Variants in CARMIL1 observed in about 807,000 individuals in gnomAD.
The protein encoded by CARMIL1 is F-actin-uncapping protein LRRC16A.
A neutral mutation model predicts 177.1 loss-of-function variants in CARMIL1; 90 were observed. The observed-to-expected ratio is 0.51, with a 90% CI of 0.43 to 0.61. The LOEUF (loss-of-function observed/expected upper bound fraction) is 0.61, where lower values mean the gene tolerates loss of function less well. Ranked by LOEUF, CARMIL1 falls within the 20% of genes least tolerant of loss-of-function variation. The probability of loss-of-function intolerance (pLI) is 0.00; values close to 1 mark genes in which losing one functional copy is unlikely to be tolerated. For missense variants in CARMIL1, 1,380 were observed against 1,667.0 expected (o/e 0.83, Z 3.00); for synonymous variants, 577 against 606.2 (o/e 0.95, Z 0.71).
At chr6:25,390,320 A>T (rs3034151) in intron 2 of CARMIL1, among the ~76,000 whole-genome samples, 15,244 of 57,928 alleles carry the variant, frequency 0.26, 2,442 homozygotes, top group Middle Eastern at 0.4. Context: ...ATATATATAT[A>T]TTTTTTTTTT....
chr6:25,510,469 ATG>A (rs1172197588), intron 18 of CARMIL1, 36 bp from the exon 19 acceptor site: 1 of 996,948 alleles, frequency 1.0e-6, no homozygotes, highest in Non-Finnish European at 1.5e-6. Flanking sequence ...ATTTATACAC[ATG>A]TGTTTTGATG....
chr6:25,398,477 G>A lies in CARMIL1; in HGVS notation c.139-21637G>A, dbSNP rs187377856. On this transcript the variant is annotated intron_variant, in intron 2 of 36. Transcript: ENST00000329474. ...TCTGTTTCTTGTGTAAAGTGCTTAC[G>A]GTGATAAATCAATGTGGGTTTTAAT... is the stretch of plus-strand genomic sequence containing the variant. Among the ~76,000 whole-genome samples, 102 of 152,272 alleles carry A rather than the reference G, an allele frequency of 6.7e-4. 1 individual carries two copies. The highest frequency in any genetic ancestry group is 2.3e-3 in the African/African-American group (95 of 41,550).
At position 25,554,171 on chromosome 6, in the gene CARMIL1, G is replaced by T; in HGVS notation, c.2592+75G>T. The T allele has an allele frequency of 9.7e-7, 1 of 1,025,778 alleles. No individual in the cohort carries two copies. The highest frequency in any genetic ancestry group is 2.0e-5 in the Admixed American group (1 of 50,150). The allele number at this position is 1,025,778 out of a possible 1,614,324, so 63.5% of individuals were successfully genotyped here. A position where few individuals can be genotyped will look rare whatever the true frequency, so the allele number is the denominator to read the frequency against. ...TGATGCAGGATGACTTCCGGTGTGG[G>T]GATGTGATTTCTTTTCTGTATTTCA... On this transcript the variant is annotated intron_variant, in intron 28 of 36. Transcript: ENST00000329474. The surrounding 1 kb of genome is among the most constrained non-coding windows in gnomAD (Gnocchi z 4.6).
chr6:25,456,025 C>T (rs541351239), intron 8 of CARMIL1, among the ~76,000 whole-genome samples: 2 of 152,282 alleles, frequency 1.3e-5, no homozygotes, highest in South Asian at 2.1e-4. Flanking sequence ...CTCTGATTTG[C>T]CTAGGATCTG....
chr6:25,530,393 T>C (rs1807630808), intron 24 of CARMIL1, among the ~76,000 whole-genome samples: 2 of 151,986 alleles, frequency 1.3e-5, no homozygotes. Context: ...CACAGACCTG[T>C]AATCCCAACT....
intron 2 of CARMIL1, among the ~76,000 whole-genome samples, chr6:25,356,522 A>T (rs539999006): frequency 2.6e-5 from 4 of 152,382 alleles, no homozygotes; most frequent in Non-Finnish European, 5.9e-5. Context: ...CTAGGTGGGT[A>T]GGGTGTAAAC....
rs114000217 is a variant in CARMIL1, at chr6:25,431,183, A to G, written c.250-4300A>G. Among the ~76,000 whole-genome samples, 673 of 151,850 alleles carry G rather than the reference A, an allele frequency of 4.4e-3. 3 individuals carry two copies. Among genetic ancestry groups the G allele is most frequent in the African/African-American group, 0.015 (618 of 41,384 alleles). ...TCTTTATTGATTTCATTGATTTTCT[A>G]TTTCCTATTTCATCGACTTTTGCTC... On this transcript the variant is annotated intron_variant, in intron 4 of 36. Coordinates refer to ENST00000329474, the MANE Select transcript of CARMIL1 (RefSeq NM_017640.6).
At chr6:25,292,646 T>C (rs531067195) in intron 2 of CARMIL1, among the ~76,000 whole-genome samples, 1 of 152,304 alleles carries the variant, frequency 6.6e-6, no homozygotes, top group South Asian at 2.1e-4. Context: ...GTAGTTAGGA[T>C]AGGCGAGTCA....
chr6:25,368,317 A>G (rs1434469366), intron 2 of CARMIL1, among the ~76,000 whole-genome samples: 1 of 152,236 alleles, frequency 6.6e-6, no homozygotes, highest in Non-Finnish European at 1.5e-5. Context: ...GCTAAGCTGA[A>G]TTACTTAAAC....
In CARMIL1 at chr6:25,281,134, G is replaced by GCGCGCA. The variant is rs34396134; in HGVS notation, c.40+1302_40+1303insGCACGC. ...CACAGACGCACGCGCGTGTGCGCGC[G>GCGCGCA]CGCACACACACACACACACACACAC... On this transcript the variant is annotated intron_variant, in intron 1 of 36. Coordinates refer to ENST00000329474, the MANE Select transcript of CARMIL1 (RefSeq NM_017640.6). 1.0e-4 allele frequency among the ~76,000 whole-genome samples: 7 copies of GCGCGCA among 67,930 alleles called. No homozygotes were observed. The Admixed American group carries it at 1.0e-3, about 10-fold the overall frequency. 44.6% of individuals were successfully genotyped at this position (67,930 alleles called of 152,430 possible).
chr6:25,371,383 G>GT (rs1790414179), intron 2 of CARMIL1, among the ~76,000 whole-genome samples: 2 of 152,158 alleles, frequency 1.3e-5, no homozygotes, highest in African/African-American at 4.8e-5. Flanking sequence ...CAGTGTATAA[G>GT]TAAGTGTTCT....
Position 25,451,990 on chromosome 6 carries a change from C to CCCT in CARMIL1, c.614+1281_614+1282insTCC. On this transcript the variant is annotated intron_variant, in intron 8 of 36. Coordinates refer to ENST00000329474, the MANE Select transcript of CARMIL1 (RefSeq NM_017640.6). ...TCATCTCATCACTAGCATCTTGCCC[C>CCCT]CCCCTCCCCCCCCCAGAATACTGTT... The CCCT allele has an allele frequency of 1.6e-4, 10 of 60,994 alleles. 1 individual carries two copies. The South Asian group carries it at 2.7e-3, about 16-fold the overall frequency. The allele number at this position is 60,994 out of a possible 1,614,324, so 3.8% of individuals were successfully genotyped here. A position where few individuals can be genotyped will look rare whatever the true frequency, so the allele number is the denominator to read the frequency against.
At chr6:25,367,713 C>G (rs970510884) in intron 2 of CARMIL1, among the ~76,000 whole-genome samples, 2 of 152,106 alleles carry the variant, frequency 1.3e-5, no homozygotes, top group African/African-American at 4.8e-5. Context: ...CCAAACAGCC[C>G]ACACTTGGCT....
chr6:25,452,212 C>T (rs1799035610), intron 8 of CARMIL1: 1 of 764,342 alleles, frequency 1.3e-6, no homozygotes, highest in African/African-American at 1.7e-5. Context: ...CTAAAGCCTC[C>T]AGTTCTCAGG....
chr6:25,602,602 G>A (rs1346238402), intron 33 of CARMIL1, among the ~76,000 whole-genome samples: 2 of 152,052 alleles, frequency 1.3e-5, no homozygotes, highest in Non-Finnish European at 2.9e-5. Context: ...AACAACCATT[G>A]TTAAAAATTC....
intron 7 of CARMIL1, 68 bp downstream of exon 7, chr6:25,450,477 C>G: frequency 7.2e-7 from 1 of 1,380,382 alleles, no homozygotes; most frequent in South Asian, 1.2e-5. Context: ...GTTTGGCTGG[C>G]TTGTTTTTCT....
chr6:25,298,999 G>A (rs1272114655), intron 2 of CARMIL1, among the ~76,000 whole-genome samples: 2 of 151,764 alleles, frequency 1.3e-5, no homozygotes, highest in African/African-American at 2.4e-5. Flanking sequence ...TGATCTGCCC[G>A]CCTCAGCCTC....
At chr6:25,300,140 C>T (rs925906149) in intron 2 of CARMIL1, among the ~76,000 whole-genome samples, 2 of 151,616 alleles carry the variant, frequency 1.3e-5, no homozygotes, top group Non-Finnish European at 2.9e-5. Context: ...GTCTAAGTCT[C>T]GAAATTTACA....
At chr6:25,282,475 A>G (rs573536854) in intron 1 of CARMIL1, among the ~76,000 whole-genome samples, 1 of 152,058 alleles carries the variant, frequency 6.6e-6, no homozygotes, top group Non-Finnish European at 1.5e-5. Context: ...TCAGATTTCC[A>G]TGCTGTTCTT....
Sources: gnomAD v4.1 joint callset for allele counts (sites outside exome capture counted in the v4.1 genomes callset) on GRCh38, gnomAD v4.1.1 for gene constraint, Gnocchi (gnomAD v3.1) non-coding constraint, MANE v1.5 for transcripts, NCBI Gene and HGNC (gene_info 2026-07-23, HGNC 2026-07-21) for gene names.